OR4E2: variants seen among roughly 807,000 people sequenced by gnomAD.
OR4E2 encodes the protein olfactory receptor family 4 subfamily E member 2, also known as olfactory receptor 4E2.
A neutral mutation model predicts 11.0 loss-of-function variants in OR4E2; 9 were observed. The ratio of observed to expected loss-of-function variants is 0.82; its 90% confidence interval spans 0.49 to 1.43. OR4E2 has a LOEUF of 1.43. OR4E2 is among the 40% of genes most tolerant of loss of function. The pLI is 0.00. For missense variants in OR4E2, 441 were observed against 382.0 expected (o/e 1.15, Z -1.29); for synonymous variants, 159 against 147.3 (o/e 1.08, Z -0.57).
intron 2 of OR4E2, among the ~76,000 whole-genome samples, chr14:21,659,522 C>T (rs1449032244): frequency 6.6e-6 from 1 of 150,554 alleles, no homozygotes. Flanking sequence ...TGGTTAAGAA[C>T]GTAGGCTCTG....
chr14:21,655,702 C>T (rs1287661934), intron 1 of OR4E2, among the ~76,000 whole-genome samples: 1 of 152,014 alleles, frequency 6.6e-6, no homozygotes, highest in Non-Finnish European at 1.5e-5. Context: ...TTTCTTAATA[C>T]AAAACTTTAA....
At chr14:21,659,783 G>A (rs1056581820) in intron 2 of OR4E2, among the ~76,000 whole-genome samples, 3 of 152,096 alleles carry the variant, frequency 2.0e-5, no homozygotes, top group Non-Finnish European at 2.9e-5. Flanking sequence ...TTCATAGAGC[G>A]AAACAAAGAT....
chr14:21,659,782 C>T (rs939600730), intron 2 of OR4E2, among the ~76,000 whole-genome samples: 11 of 152,058 alleles, frequency 7.2e-5, no homozygotes, highest in South Asian at 2.1e-4. Context: ...ATTCATAGAG[C>T]GAAACAAAGA....
intron 3 of OR4E2, among the ~76,000 whole-genome samples, chr14:21,662,790 G>A (rs574034887): frequency 4.6e-5 from 7 of 152,082 alleles, no homozygotes; most frequent in African/African-American, 9.6e-5. Flanking sequence ...TAAGCCTCAC[G>A]TTATTTTAAA....
In OR4E2 at chr14:21,665,855, A is replaced by G. The variant is rs780037958; in HGVS notation, c.773A>G (p.Tyr258Cys). 2.5e-5 allele frequency: 41 copies of G among 1,609,618 alleles called. No homozygotes were observed. The highest frequency in any genetic ancestry group is 4.0e-5 in the African/African-American group (3 of 74,646). ...TTCTTTGGGCCATGTATCTTCATCT[A>G]TACTCGGCCAGACACCAGCTTCTCC... ...ALFFGPCIFI[Y>C]TRPDTSFSID... The change falls in exon 4 of 4, where the codon TAT becomes TGT. Residue 258 changes from tyrosine to cysteine, a missense_variant. Transcript: ENST00000641524.
intron 3 of OR4E2, 46 bp from the exon 4 acceptor site, chr14:21,665,029 C>G: frequency 1.0e-6 from 1 of 971,722 alleles, no homozygotes; most frequent in Non-Finnish European, 1.6e-6. Context: ...TAGTTCTATT[C>G]CTATAATAAT....
chr14:21,665,852 T>G lies in OR4E2; in HGVS notation c.770T>G (p.Ile257Ser). 1 of 1,610,674 alleles carries G rather than the reference T, an allele frequency of 6.2e-7. No individual in the cohort carries two copies. The highest frequency in any genetic ancestry group is 1.1e-5 in the South Asian group (1 of 90,572). The change falls in exon 4 of 4, where the codon ATC becomes AGC. Residue 257 changes from isoleucine to serine, a missense_variant. By Grantham distance (142) the Ile-to-Ser change is moderately radical (BLOSUM62 -2). Coordinates refer to ENST00000641524, the MANE Select transcript of OR4E2 (RefSeq NM_001001912.3). ...VALFFGPCIFIYTRPDTSFSI... is the reference protein window; with the variant it reads ...VALFFGPCIFSYTRPDTSFSI... ...CTCTTCTTTGGGCCATGTATCTTCA[T>G]CTATACTCGGCCAGACACCAGCTTC...
chr14:21,658,563 G>T (rs61974111), intron 2 of OR4E2, among the ~76,000 whole-genome samples: 38,642 of 152,036 alleles, frequency 0.25, 5,504 homozygotes, highest in Non-Finnish European at 0.33. Context: ...GAGACAAGAG[G>T]CAGAGAAAGA....
At chr14:21,661,617 A>G (rs1880332614) in intron 3 of OR4E2, among the ~76,000 whole-genome samples, 1 of 152,250 alleles carries the variant, frequency 6.6e-6, no homozygotes, top group Non-Finnish European at 1.5e-5. Flanking sequence ...AGGCCTGGGT[A>G]TCAAAATTTA....
rs1398537569 is a variant in OR4E2, at chr14:21,665,708, C to G, written c.626C>G (p.Ser209Cys). The G allele has an allele frequency of 2.5e-6, 4 of 1,614,198 alleles. No homozygotes were observed. The South Asian group carries it at 4.4e-5, about 18-fold the overall frequency. The change falls in exon 4 of 4, where the codon TCC (serine) becomes TGC (cysteine). Residue 209 changes from serine to cysteine, a missense_variant. Ser to Cys is a moderately radical substitution (Grantham distance 112, BLOSUM62 -1). Transcript: ENST00000641524. The stretch of plus-strand genomic sequence containing the variant: ...ACCAATAGTGGAACCATCTCCCTCT[C>G]CTGTTTCTTGGCCGTGGTCACCTCC... ...IVTNSGTISL[S>C]CFLAVVTSYM...
rs1342728136 is a variant in OR4E2, at chr14:21,657,373, CCTTCCTTCCTTCCTTT to C, written c.-103+788_-103+803del. On this transcript the variant is annotated intron_variant, in intron 2 of 3. Transcript: ENST00000641524. Reference sequence around the variant, plus strand: ...TCCTTCCTTCCTTCCTTCCTTCCTTCCTTCCTTCCTTCCTTTCTTTCTTCCTTCCTTCCTTTCTTTC... The same window carrying C: ...TCCTTCCTTCCTTCCTTCCTTCCTTCCTTTCTTCCTTCCTTCCTTTCTTTC... Among the ~76,000 whole-genome samples, 3 of 146,546 alleles carry C rather than the reference CCTTCCTTCCTTCCTTT, an allele frequency of 2.0e-5. 1 individual carries two copies. Among genetic ancestry groups the C allele is most frequent in the Admixed American group, 7.1e-5 (1 of 14,158 alleles).
chr14:21,656,986 A>G (rs1401046399), intron 2 of OR4E2, among the ~76,000 whole-genome samples: 2 of 152,232 alleles, frequency 1.3e-5, no homozygotes, highest in East Asian at 3.8e-4. Flanking sequence ...GATCAAGACC[A>G]TCACTTCTGT....
At chr14:21,657,541 CT>C (rs1328460559) in intron 2 of OR4E2, among the ~76,000 whole-genome samples, 3 of 98,488 alleles carry the variant, frequency 3.0e-5, no homozygotes, top group African/African-American at 7.3e-5. Context: ...TTCTTTCTTT[CT>C]TTTTCTGTCT....
chr14:21,665,013 T>C (rs1594550356), intron 3 of OR4E2, 62 bp from the exon 4 acceptor site: 37 of 839,474 alleles, frequency 4.4e-5, no homozygotes, highest in Middle Eastern at 2.3e-4. Context: ...ACAAAGTCAT[T>C]TCAATTAGTT....
intron 2 of OR4E2, among the ~76,000 whole-genome samples, chr14:21,657,908 T>C (rs1880102730): frequency 6.6e-6 from 1 of 152,076 alleles, no homozygotes; most frequent in Admixed American, 6.6e-5. Flanking sequence ...TTTCTATGTA[T>C]GCAGAAGCAA....
chr14:21,665,883 T>G lies in OR4E2; in HGVS notation c.801T>G (p.Ile267Met). The change falls in exon 4 of 4, where the codon ATT (isoleucine) becomes ATG (methionine). Residue 267 changes from isoleucine to methionine, a missense_variant. Ile to Met is a conservative substitution (Grantham distance 10). Coordinates refer to ENST00000641524, the MANE Select transcript of OR4E2 (RefSeq NM_001001912.3). ...IYTRPDTSFS[I>M]DKVVSVFYTV... is the part of the protein sequence containing the mutation. Reference sequence around the variant, plus strand: ...CTCGGCCAGACACCAGCTTCTCCATTGACAAGGTGGTGTCTGTCTTCTACA... The same window carrying G: ...CTCGGCCAGACACCAGCTTCTCCATGGACAAGGTGGTGTCTGTCTTCTACA... 6.2e-7 allele frequency: 1 copy of G among 1,609,392 alleles called. No homozygotes were observed. The highest frequency in any genetic ancestry group is 8.5e-7 in the Non-Finnish European group (1 of 1,177,790).
chr14:21,658,403 A>G (rs1880133282), intron 2 of OR4E2, among the ~76,000 whole-genome samples: 1 of 152,142 alleles, frequency 6.6e-6, no homozygotes, highest in African/African-American at 2.4e-5. Flanking sequence ...GATTTTACAA[A>G]TCCATTTGAG....
intron 3 of OR4E2, among the ~76,000 whole-genome samples, chr14:21,662,871 G>A (rs886323571): frequency 3.3e-5 from 5 of 151,974 alleles, no homozygotes; most frequent in African/African-American, 1.2e-4. Context: ...TGAAATAATT[G>A]GATCAAGAAT....
chr14:21,665,477 A>C lies in OR4E2; in HGVS notation c.395A>C (p.Tyr132Ser). ...RYVAICTPLH[Y>S]PNVMNMRVCI... ...GTGGCTATCTGCACTCCACTCCACT[A>C]CCCCAATGTGATGAACATGAGAGTC... The change falls in exon 4 of 4, where the codon TAC (tyrosine) becomes TCC (serine). Residue 132 changes from tyrosine to serine, a missense_variant. Coordinates refer to ENST00000641524, the MANE Select transcript of OR4E2 (RefSeq NM_001001912.3). 1 of 1,613,770 alleles carries C rather than the reference A, an allele frequency of 6.2e-7. No homozygotes were observed.
Sources: allele counts gnomAD v4.1 joint callset (sites outside exome capture counted in the v4.1 genomes callset), GRCh38; gene constraint gnomAD v4.1.1; transcripts MANE v1.5; gene names NCBI Gene and HGNC (gene_info 2026-07-23, HGNC 2026-07-21).